Variants in RBFOX1 observed in about 807,000 individuals in gnomAD.
The protein encoded by RBFOX1 is RNA binding fox-1 homolog 1.
RBFOX1 carries 8 observed loss-of-function variants against 57.7 expected under a neutral mutation model. The ratio of observed to expected loss-of-function variants is 0.14; its 90% CI spans 0.08 to 0.25. The LOEUF (loss-of-function observed/expected upper bound fraction) is 0.25. Among genes scored for constraint, RBFOX1 ranks in the 10% least tolerant of loss-of-function variants. The pLI is 1.00. For synonymous variants in RBFOX1, 326 were observed against 222.4 expected (o/e 1.47, Z -4.15); for missense variants, 611 against 548.5 (o/e 1.11, Z -1.14).
At chr16:7,402,204 G>A (rs4356496) in intron 4 of RBFOX1, among the ~76,000 whole-genome samples, 120,575 of 152,004 alleles carry the variant, frequency 0.79, 47,932 homozygotes, top group Admixed American at 0.82. Flanking sequence ...ATACATTTAA[G>A]TACTCACTGA....
intron 3 of RBFOX1, among the ~76,000 whole-genome samples, chr16:5,828,809 C>A (rs757934134): frequency 6.6e-6 from 1 of 152,098 alleles, no homozygotes; most frequent in Non-Finnish European, 1.5e-5. Flanking sequence ...TGCCTGTAGG[C>A]TGAAAAGAGA....
intron 4 of RBFOX1, among the ~76,000 whole-genome samples, chr16:7,315,013 G>C (rs2096404457): frequency 6.6e-6 from 1 of 151,740 alleles, no homozygotes; most frequent in Non-Finnish European, 1.5e-5. Context: ...TTCCTAATTG[G>C]AAGAAAACAA....
intron 3 of RBFOX1, among the ~76,000 whole-genome samples, chr16:6,967,885 G>C (rs1248449824): frequency 3.3e-5 from 5 of 152,132 alleles, no homozygotes; most frequent in South Asian, 4.1e-4. Flanking sequence ...TCTGAAAAAA[G>C]ATGCCCCAAA....
chr16:6,985,895 T>A (rs2153600239), intron 3 of RBFOX1, among the ~76,000 whole-genome samples: 1 of 150,800 alleles, frequency 6.6e-6, no homozygotes, highest in Middle Eastern at 3.4e-3. Flanking sequence ...TTTGCAGGAC[T>A]TCTTTGTATC....
chr16:6,495,160 C>A (rs754454162), intron 2 of RBFOX1, among the ~76,000 whole-genome samples: 14 of 152,084 alleles, frequency 9.2e-5, no homozygotes, highest in Admixed American at 3.3e-4. Context: ...ACTCTTTCAC[C>A]CATGCGGGAG....
chr16:6,215,200 T>G (rs1410972093), intron 1 of RBFOX1, among the ~76,000 whole-genome samples: 1,004 of 26,568 alleles, frequency 0.038, no homozygotes, highest in Middle Eastern at 0.038. Context: ...GAGAGGAGGA[T>G]AAGGAGAGGG....
At chr16:6,265,689 C>T (rs1225287585) in intron 1 of RBFOX1, among the ~76,000 whole-genome samples, 3 of 152,222 alleles carry the variant, frequency 2.0e-5, no homozygotes, top group Admixed American at 1.3e-4. Context: ...AGCTTTGGTG[C>T]ACCCAGCGTG....
At chr16:7,065,213 C>G (rs906616748) in intron 4 of RBFOX1, among the ~76,000 whole-genome samples, 1 of 152,156 alleles carries the variant, frequency 6.6e-6, no homozygotes, top group African/African-American at 2.4e-5. Context: ...GTTTAGTGCC[C>G]CTAGCTTACT....
intron 12 of RBFOX1, among the ~76,000 whole-genome samples, chr16:7,656,415 G>C (rs2145043243): frequency 6.8e-6 from 1 of 146,820 alleles, no homozygotes; most frequent in East Asian, 2.5e-4. Flanking sequence ...GAAGAGAGCA[G>C]AGTGGGACCC....
At chr16:6,063,506 C>CACA (rs780793142) in intron 1 of RBFOX1, among the ~76,000 whole-genome samples, 3 of 42,528 alleles carry the variant, frequency 7.1e-5, no homozygotes, top group African/African-American at 1.9e-4. Context: ...CACACACACA[C>CACA]CCCCTTATAT....
At chr16:6,828,211 A>T (rs1053429111) in intron 3 of RBFOX1, among the ~76,000 whole-genome samples, 1 of 152,074 alleles carries the variant, frequency 6.6e-6, no homozygotes, top group African/African-American at 2.4e-5. Context: ...AGTGAGAAAC[A>T]ATACAGGTAG....
intron 4 of RBFOX1, among the ~76,000 whole-genome samples, chr16:7,223,325 G>T (rs541946579): frequency 1.3e-5 from 2 of 152,198 alleles, no homozygotes; most frequent in Non-Finnish European, 2.9e-5. Context: ...TGATTTTTCC[G>T]TGAGGATAGA....
chr16:7,347,618 G>C (rs1046173370), intron 4 of RBFOX1, among the ~76,000 whole-genome samples: 2 of 152,082 alleles, frequency 1.3e-5, no homozygotes, highest in Non-Finnish European at 2.9e-5. Context: ...CGCCGAGATT[G>C]AAAAACCCCA....
chr16:5,295,309 T>G (rs1330062453), intron 1 of RBFOX1, among the ~76,000 whole-genome samples: 2 of 152,144 alleles, frequency 1.3e-5, no homozygotes, highest in African/African-American at 2.4e-5. Context: ...CCCTCAGTAA[T>G]GTACATGATG....
chr16:7,342,388 T>C (rs2096915247), intron 4 of RBFOX1, among the ~76,000 whole-genome samples: 1 of 152,204 alleles, frequency 6.6e-6, no homozygotes, highest in African/African-American at 2.4e-5. Flanking sequence ...GCTTCAGCTC[T>C]CTGAGCACCC....
intron 2 of RBFOX1, among the ~76,000 whole-genome samples, chr16:6,408,584 A>G (rs1282071952): frequency 6.6e-6 from 1 of 152,152 alleles, no homozygotes; most frequent in African/African-American, 2.4e-5. Flanking sequence ...GAATGAGCTT[A>G]TTAGAGTGTC....
At chr16:7,114,628 C>T (rs1265642853) in intron 4 of RBFOX1, among the ~76,000 whole-genome samples, 2 of 152,174 alleles carry the variant, frequency 1.3e-5, no homozygotes, top group African/African-American at 2.4e-5. Flanking sequence ...GTTTCTGAAA[C>T]GCCTTTTCTT....
In RBFOX1 at chr16:6,898,713, ATGTG is replaced by A. The variant is rs758027246; in HGVS notation, c.-15-153340_-15-153337del. 8.5e-5 allele frequency among the ~76,000 whole-genome samples: 13 copies of A among 152,070 alleles called. No individual in the cohort carries two copies. The East Asian group carries it at 1.5e-3, about 18-fold the overall frequency. On this transcript the variant is annotated intron_variant, in intron 3 of 15. Coordinates refer to ENST00000550418, the MANE Select transcript of RBFOX1 (RefSeq NM_018723.4). ...ATACGTGTGTATGTGTCTATAATAT[ATGTG>A]TGTATGTGTATGATACATGTGTATG... is the stretch of plus-strand genomic sequence containing the variant.
intron 1 of RBFOX1, among the ~76,000 whole-genome samples, chr16:5,398,649 G>C (rs563897032): frequency 2.2e-4 from 33 of 152,166 alleles, no homozygotes; most frequent in South Asian, 1.5e-3. Flanking sequence ...GCTTGGAGTT[G>C]AAGGGAGTCC....
Sources: gnomAD v4.1 joint callset for allele counts (sites outside exome capture counted in the v4.1 genomes callset) on GRCh38, gnomAD v4.1.1 for gene constraint, MANE v1.5 for transcripts, NCBI Gene and HGNC (gene_info 2026-07-23, HGNC 2026-07-21) for gene names.